CAMK4: variants seen among roughly 807,000 people sequenced by gnomAD.
CAMK4 encodes calcium/calmodulin-dependent protein kinase type IV.
In CAMK4, 22 loss-of-function variants were observed where a neutral mutation model predicts 44.9. The ratio of observed to expected loss-of-function variants is 0.49; its 90% CI spans 0.35 to 0.70. The LOEUF (loss-of-function observed/expected upper bound fraction) is 0.70, where lower values mean the gene tolerates loss of function less well. Among genes scored for constraint, CAMK4 ranks in the 30% least tolerant of loss-of-function variants. The pLI is 0.01. For synonymous variants in CAMK4, 218 were observed against 215.4 expected, an observed-to-expected ratio of 1.01 and a Z score of -0.11; for missense variants, 498 against 586.8, an observed-to-expected ratio of 0.85 and a Z score of 1.56.
intron 1 of CAMK4, among the ~76,000 whole-genome samples, chr5:111,244,904 CATAAA>C (rs879410344): frequency 3.3e-5 from 5 of 151,894 alleles, no homozygotes; most frequent in Admixed American, 6.6e-5. Flanking sequence ...TATAACATAA[CATAAA>C]ATAAATCCTT....
chr5:111,491,053 TTA>T lies in CAMK4; in HGVS notation c.*6589_*6590del, dbSNP rs1437863632. ...CTTACTTGAATGTCAGTCATTCATTTTATCTCTCGTCTTTGAGATACACACAT... is the reference window on the plus strand; with the variant it reads ...CTTACTTGAATGTCAGTCATTCATTTTCTCTCGTCTTTGAGATACACACAT... On this transcript the variant is annotated 3_prime_UTR_variant, in exon 11 of 11. Coordinates refer to ENST00000282356, the MANE Select transcript of CAMK4 (RefSeq NM_001744.6). The T allele has an allele frequency of 6.6e-6, 1 of 152,236 alleles. No homozygotes were observed. The highest frequency in any genetic ancestry group is 1.5e-5 in the Non-Finnish European group (1 of 68,040). 9.4% of individuals were successfully genotyped at this position (152,236 alleles called of 1,614,324 possible).
At chr5:111,465,215 C>A (rs1561504483) in intron 7 of CAMK4, among the ~76,000 whole-genome samples, 1 of 151,762 alleles carries the variant, frequency 6.6e-6, no homozygotes, top group Non-Finnish European at 1.5e-5. Context: ...TGCTAGGAGG[C>A]AAATTCATAG....
intron 1 of CAMK4, 94 bp from the exon 2 acceptor site, chr5:111,343,930 T>C: frequency 1.4e-6 from 1 of 704,944 alleles, no homozygotes; most frequent in Non-Finnish European, 2.5e-6. Context: ...TTGTCAGTTA[T>C]GTGGGTTATT....
At chr5:111,483,717 G>A (rs963570198) in intron 10 of CAMK4, among the ~76,000 whole-genome samples, 4 of 152,098 alleles carry the variant, frequency 2.6e-5, no homozygotes, top group Non-Finnish European at 5.9e-5. Context: ...CTAGTGTTCC[G>A]TAAAACAAAT....
At chr5:111,300,850 G>T (rs1747689550) in intron 1 of CAMK4, among the ~76,000 whole-genome samples, 1 of 152,200 alleles carries the variant, frequency 6.6e-6, no homozygotes, top group African/African-American at 2.4e-5. Flanking sequence ...ATTTAAATTA[G>T]ATTTAGTCAA....
chr5:111,461,431 A>C (rs1446823258), intron 7 of CAMK4, among the ~76,000 whole-genome samples: 1 of 152,194 alleles, frequency 6.6e-6, no homozygotes, highest in Non-Finnish European at 1.5e-5. Flanking sequence ...AAATTGCACC[A>C]AGTTTTAAAC....
intron 7 of CAMK4, among the ~76,000 whole-genome samples, chr5:111,454,339 G>C (rs1358418412): frequency 2.0e-5 from 3 of 152,024 alleles, no homozygotes; most frequent in Non-Finnish European, 4.4e-5. Context: ...TCATTTCTCA[G>C]GAAGTAAAAA....
intron 1 of CAMK4, among the ~76,000 whole-genome samples, chr5:111,309,900 A>G (rs973225618): frequency 6.6e-6 from 1 of 152,180 alleles, no homozygotes; most frequent in Non-Finnish European, 1.5e-5. Flanking sequence ...GACATAGGCT[A>G]GGCTGATACC....
rs542294585 is a variant in CAMK4, at chr5:111,270,436, C to T, written c.161+45792C>T. On this transcript the variant is annotated intron_variant, in intron 1 of 10. Transcript: ENST00000282356. ...CCCTGGCCTCTGGAACCTTCAACTC[C>T]CTTGTCCCTGGTGACTTTCACCTAA... Among the ~76,000 whole-genome samples, 121 of 152,280 alleles carry T rather than the reference C, an allele frequency of 7.9e-4. 1 individual carries two copies. The highest frequency in any genetic ancestry group is 2.8e-3 in the African/African-American group (117 of 41,542).
At chr5:111,243,765 A>AG (rs1342951907) in intron 1 of CAMK4, among the ~76,000 whole-genome samples, 1 of 152,160 alleles carries the variant, frequency 6.6e-6, no homozygotes, top group African/African-American at 2.4e-5. Context: ...GTGTTTACAA[A>AG]GGGGCACTGC....
chr5:111,283,774 T>C (rs1295530239), intron 1 of CAMK4, among the ~76,000 whole-genome samples: 1 of 152,230 alleles, frequency 6.6e-6, no homozygotes, highest in Non-Finnish European at 1.5e-5. Flanking sequence ...AAGTATATGA[T>C]GCTATCAATT....
intron 1 of CAMK4, among the ~76,000 whole-genome samples, chr5:111,225,810 C>A (rs879827012): frequency 1.5e-4 from 23 of 152,194 alleles, no homozygotes; most frequent in Admixed American, 3.9e-4. Context: ...AATAGGCAAA[C>A]TTCTGAATGA....
At chr5:111,244,824 G>A (rs976327716) in intron 1 of CAMK4, among the ~76,000 whole-genome samples, 1 of 152,106 alleles carries the variant, frequency 6.6e-6, no homozygotes. Flanking sequence ...TCGCACCACT[G>A]CATTCCAGCC....
intron 5 of CAMK4, among the ~76,000 whole-genome samples, chr5:111,421,893 G>A (rs571490397): frequency 5.8e-4 from 88 of 152,114 alleles, no homozygotes; most frequent in Admixed American, 5.2e-3. Context: ...TAAGTCTCAC[G>A]AAATTTGATG....
chr5:111,246,940 T>C (rs983530241), intron 1 of CAMK4, among the ~76,000 whole-genome samples: 4 of 152,282 alleles, frequency 2.6e-5, no homozygotes, highest in South Asian at 4.1e-4. Flanking sequence ...AGCATACAGC[T>C]CCTGGTATCT....
chr5:111,299,149 T>C (rs911360481), intron 1 of CAMK4, among the ~76,000 whole-genome samples: 1 of 152,236 alleles, frequency 6.6e-6, no homozygotes, highest in Non-Finnish European at 1.5e-5. Context: ...GGCTGCGCTT[T>C]AGTCAGGAGT....
intron 1 of CAMK4, among the ~76,000 whole-genome samples, chr5:111,282,078 T>C (rs1002032027): frequency 6.6e-6 from 1 of 151,934 alleles, no homozygotes. Context: ...AAAGAAATTT[T>C]CTGGAATTAG....
intron 5 of CAMK4, among the ~76,000 whole-genome samples, chr5:111,400,953 T>G (rs1472900954): frequency 6.6e-6 from 1 of 152,188 alleles, no homozygotes; most frequent in Non-Finnish European, 1.5e-5. Context: ...TTGTCACCAC[T>G]GACAGCTGAG....
At chr5:111,353,984 A>G (rs991743314) in intron 2 of CAMK4, among the ~76,000 whole-genome samples, 1 of 152,144 alleles carries the variant, frequency 6.6e-6, no homozygotes, top group African/African-American at 2.4e-5. Flanking sequence ...AATAAGGTCA[A>G]TATATTAAAG....
Sources: allele counts gnomAD v4.1 joint callset (sites outside exome capture counted in the v4.1 genomes callset), GRCh38; gene constraint gnomAD v4.1.1; transcripts MANE v1.5; gene names NCBI Gene and HGNC (gene_info 2026-07-23, HGNC 2026-07-21).